UNC13C: variants seen among roughly 807,000 people sequenced by gnomAD.
UNC13C encodes protein unc-13 homolog C.
Under a neutral mutation model 245.4 loss-of-function variants are expected in UNC13C, and 174 were observed. The observed-to-expected ratio is 0.71, with a 90% CI of 0.63 to 0.80. The LOEUF is 0.80. UNC13C is among the 30% of genes least tolerant of loss of function. The probability of loss-of-function intolerance (pLI) is 0.00; values close to 1 mark genes in which losing one functional copy is unlikely to be tolerated. For synonymous variants in UNC13C, 992 were observed against 895.1 expected (o/e 1.11, Z -1.93); for missense variants, 2,829 against 2,602.9 (o/e 1.09, Z -1.89).
At chr15:53,987,655 C>T (rs1175233549) in intron 1 of UNC13C, among the ~76,000 whole-genome samples, 5 of 151,962 alleles carry the variant, frequency 3.3e-5, no homozygotes, top group Admixed American at 1.3e-4. Flanking sequence ...GCAATTGGCT[C>T]TGAAAGAAGA....
intron 17 of UNC13C, among the ~76,000 whole-genome samples, chr15:54,344,339 C>T (rs1469955696): frequency 6.6e-6 from 1 of 151,828 alleles, no homozygotes; most frequent in Non-Finnish European, 1.5e-5. Flanking sequence ...CAAACGTGCC[C>T]CTAACAAAAA....
intron 17 of UNC13C, among the ~76,000 whole-genome samples, chr15:54,342,570 A>G (rs1010490436): frequency 2.0e-5 from 3 of 152,144 alleles, no homozygotes; most frequent in African/African-American, 7.2e-5. Flanking sequence ...CTATTTAAAA[A>G]AAAAAAATGT....
At chr15:54,095,956 T>C (rs988949554) in intron 2 of UNC13C, among the ~76,000 whole-genome samples, 12 of 152,174 alleles carry the variant, frequency 7.9e-5, no homozygotes, top group African/African-American at 2.9e-4. Flanking sequence ...CCATGTCGAA[T>C]TGAGGAAACT....
In UNC13C at chr15:54,412,710, T is replaced by C. The variant is rs547282024; in HGVS notation, c.4848-2272T>C. The stretch of plus-strand genomic sequence containing the variant: ...ATGCAGACAATTTTTAGTATGCCAT[T>C]TTTTATGTAGAAAACCATGTTGTCT... On this transcript the variant is annotated intron_variant, in intron 18 of 32. Transcript: ENST00000260323. 1.3e-4 allele frequency among the ~76,000 whole-genome samples: 20 copies of C among 152,332 alleles called. No homozygotes were observed. The South Asian group carries it at 3.7e-3, about 28-fold the overall frequency.
At chr15:54,112,076 C>T (rs1447364549) in intron 2 of UNC13C, among the ~76,000 whole-genome samples, 1 of 152,100 alleles carries the variant, frequency 6.6e-6, no homozygotes, top group Non-Finnish European at 1.5e-5. Context: ...GTTAGGGAAC[C>T]TGTGAAAATT....
intron 24 of UNC13C, among the ~76,000 whole-genome samples, chr15:54,521,419 C>G (rs1012936217): frequency 1.9e-4 from 29 of 152,112 alleles, no homozygotes; most frequent in Admixed American, 7.9e-4. Context: ...TTAATTTCTT[C>G]CATGCAAAGT....
At chr15:54,208,257 C>T (rs1171296052) in intron 4 of UNC13C, among the ~76,000 whole-genome samples, 5 of 152,184 alleles carry the variant, frequency 3.3e-5, no homozygotes, top group East Asian at 3.9e-4. Flanking sequence ...GGATGACCCC[C>T]GCCCTGTGAT....
At chr15:54,247,081 C>T (rs567089975) in intron 7 of UNC13C, among the ~76,000 whole-genome samples, 62 of 152,246 alleles carry the variant, frequency 4.1e-4, no homozygotes, top group African/African-American at 1.5e-3. Context: ...TGATAACATA[C>T]TCAGTTCCAT....
downstream of UNC13C, chr15:54,632,247 A>G (rs1352539630): frequency 6.6e-6 from 1 of 152,164 alleles, no homozygotes; most frequent in African/African-American, 2.4e-5. Flanking sequence ...TCAGATATGA[A>G]ATGTGCAACT....
At chr15:54,066,945 A>G (rs1206584789) in intron 2 of UNC13C, among the ~76,000 whole-genome samples, 1 of 151,532 alleles carries the variant, frequency 6.6e-6, no homozygotes, top group African/African-American at 2.4e-5. Context: ...TTTTTTTTTT[A>G]ATTTAGGAAG....
chr15:54,451,490 A>G (rs1567284627), intron 19 of UNC13C, among the ~76,000 whole-genome samples: 1 of 151,902 alleles, frequency 6.6e-6, no homozygotes, highest in African/African-American at 2.4e-5. Context: ...GTCTGACTGG[A>G]TTATTTTAAA....
intron 22 of UNC13C, among the ~76,000 whole-genome samples, chr15:54,503,915 A>G (rs1018837748): frequency 2.0e-5 from 3 of 152,274 alleles, no homozygotes; most frequent in African/African-American, 7.2e-5. Flanking sequence ...GAGATCAGAC[A>G]CATTAATTGT....
chr15:53,885,364 G>A, the UNC13C span, among the ~76,000 whole-genome samples: 1 of 152,186 alleles, frequency 6.6e-6, no homozygotes, highest in Non-Finnish European at 1.5e-5. Context: ...ACTGTCTACA[G>A]GCTGACTTCT....
At chr15:54,300,478 G>C (rs2037550567) in intron 13 of UNC13C, 105 bp downstream of exon 13, 2 of 1,153,642 alleles carry the variant, frequency 1.7e-6, no homozygotes. Context: ...ATTAAAAAGA[G>C]GATTATATTT....
rs1360576937 is a variant in UNC13C, at chr15:54,627,604, T to A, written c.*491T>A. ...TGTAATTTTATAGTCGCAGATATTG[T>A]GATTTTTGCATACACATTAAAATAG... On this transcript the variant is annotated 3_prime_UTR_variant, in exon 33 of 33. Coordinates refer to ENST00000260323, the MANE Select transcript of UNC13C (RefSeq NM_001080534.3). 1 of 152,942 alleles carries A rather than the reference T, an allele frequency of 6.5e-6. No homozygotes were observed. Among genetic ancestry groups the A allele is most frequent in the Non-Finnish European group, 1.5e-5 (1 of 68,222 alleles). The allele number at this position is 152,942 out of a possible 1,614,324, so 9.5% of individuals were successfully genotyped here.
At chr15:54,086,737 C>CTTTTTTTT (rs57209912) in intron 2 of UNC13C, among the ~76,000 whole-genome samples, 9,293 of 90,616 alleles carry the variant, frequency 0.1, 1,656 homozygotes, top group South Asian at 0.15. Context: ...TATTTTCTTT[C>CTTTTTTTT]TTTTTTTTTT....
intron 29 of UNC13C, among the ~76,000 whole-genome samples, chr15:54,555,958 G>A (rs576250494): frequency 6.6e-6 from 1 of 151,992 alleles, no homozygotes; most frequent in South Asian, 2.1e-4. Flanking sequence ...CTCCCTTCTC[G>A]CTTAGTAAGT....
At chr15:54,492,955 A>G (rs1893786206) in intron 19 of UNC13C, among the ~76,000 whole-genome samples, 1 of 152,180 alleles carries the variant, frequency 6.6e-6, no homozygotes, top group Admixed American at 6.5e-5. Flanking sequence ...TCACAAGAGG[A>G]AATATTTAGT....
At chr15:54,191,469 G>A (rs367950482) in intron 4 of UNC13C, among the ~76,000 whole-genome samples, 6 of 152,182 alleles carry the variant, frequency 3.9e-5, no homozygotes, top group Non-Finnish European at 8.8e-5. Context: ...ATTTGAGTTC[G>A]TTCCAAGTCT....
Sources: allele counts gnomAD v4.1 joint callset (sites outside exome capture counted in the v4.1 genomes callset), GRCh38; gene constraint gnomAD v4.1.1; transcripts MANE v1.5; gene names NCBI Gene and HGNC (gene_info 2026-07-23, HGNC 2026-07-21).